Variants in SYTL2 observed in about 807,000 individuals in gnomAD.
SYTL2 encodes synaptotagmin like 2, also known as synaptotagmin-like protein 2.
SYTL2 carries 165 observed loss-of-function variants against 198.7 expected under a neutral mutation model. The ratio of observed to expected loss-of-function variants is 0.83; its 90% CI spans 0.73 to 0.94. The LOEUF (loss-of-function observed/expected upper bound fraction) is 0.94. Ranked by LOEUF, SYTL2 falls within the 40% of genes least tolerant of loss-of-function variation. The pLI is 0.00. For missense variants in SYTL2, 2,835 were observed against 2,582.8 expected, an observed-to-expected ratio of 1.10 and a Z score of -2.12; for synonymous variants, 966 against 917.7, an observed-to-expected ratio of 1.05 and a Z score of -0.95.
intron 6 of SYTL2, among the ~76,000 whole-genome samples, chr11:85,735,723 C>G (rs561113813): frequency 1.3e-5 from 2 of 151,994 alleles, no homozygotes; most frequent in African/African-American, 4.8e-5. Context: ...CACCACTGCA[C>G]TCCAGCCTGG....
At chr11:85,756,720 G>C (rs2091889303) in intron 2 of SYTL2, among the ~76,000 whole-genome samples, 1 of 152,192 alleles carries the variant, frequency 6.6e-6, no homozygotes, top group Admixed American at 6.5e-5. Context: ...CAGACATTCT[G>C]TAGTGGTTGA....
At position 85,727,462 on chromosome 11, in the gene SYTL2, T is replaced by G; in HGVS notation, c.1896A>C (p.Gln632His). ...GTPKEGPGIL[Q>H]PFESYGTPSQ... is the part of the protein sequence containing the mutation. ...TTGGGGTGCCATAGCTTTCAAATGG[T>G]TGCAATATACCTGGGCCTTCCTTTG... The change falls in exon 8 of 20, where the codon CAA becomes CAC. Residue 632 changes from glutamine (Q) to histidine (H), a missense_variant. Around this residue, in one of 3 missense-constraint regions of SYTL2, gnomAD observed 2,645 missense variants for 2,381.7 expected, o/e 1.11. Transcript: ENST00000359152. The G allele has an allele frequency of 6.5e-7, 1 of 1,536,044 alleles. No homozygotes were observed. Among genetic ancestry groups the G allele is most frequent in the Non-Finnish European group, 8.7e-7 (1 of 1,146,868 alleles).
intron 9 of SYTL2, among the ~76,000 whole-genome samples, chr11:85,719,808 G>C (rs1196173486): frequency 6.6e-6 from 1 of 152,134 alleles, no homozygotes; most frequent in South Asian, 2.1e-4. Flanking sequence ...GGAAATGTTT[G>C]GTGAAGTGGC....
intron 2 of SYTL2, among the ~76,000 whole-genome samples, chr11:85,749,970 C>T (rs941286214): frequency 4.6e-5 from 7 of 152,142 alleles, no homozygotes; most frequent in Non-Finnish European, 7.3e-5. Flanking sequence ...GGCTCCTGAC[C>T]ACCTAAAAAG....
chr11:85,703,557 G>A (rs767111611), intron 16 of SYTL2, among the ~76,000 whole-genome samples: 8 of 152,110 alleles, frequency 5.3e-5, no homozygotes, highest in Non-Finnish European at 1.0e-4. Flanking sequence ...AAGATGTTAT[G>A]ATACCAAGAA....
rs891202255 is a variant in SYTL2 at position 85,811,136 on chromosome 11, G to C, written c.-572C>G. 6.6e-6 allele frequency: 1 copy of C among 152,122 alleles called. No homozygotes were observed. Among genetic ancestry groups the C allele is most frequent in the Admixed American group, 6.5e-5 (1 of 15,280 alleles). The allele number at this position is 152,122 out of a possible 1,614,324, so 9.4% of individuals were successfully genotyped here. A position where few individuals can be genotyped will look rare whatever the true frequency, so the allele number is the denominator to read the frequency against. ...TGGCGGCACGGCCCGGGTGTCGCCC[G>C]GCACTGTCAACGCAGAGCGGCGTGC... is the stretch of plus-strand genomic sequence containing the variant. On this transcript the variant is annotated 5_prime_UTR_variant, in exon 1 of 20. Transcript: ENST00000359152.
At chr11:85,830,911 C>T in the SYTL2 span, among the ~76,000 whole-genome samples, 1 of 152,176 alleles carries the variant, frequency 6.6e-6, no homozygotes, top group Non-Finnish European at 1.5e-5. Flanking sequence ...CAAGTTCTTG[C>T]ATTAGGGTCA....
At chr11:85,812,393 G>A (rs1180254802), upstream of SYTL2, among the ~76,000 whole-genome samples, 2 of 152,234 alleles carry the variant, frequency 1.3e-5, no homozygotes, top group African/African-American at 4.8e-5. Context: ...GCACTGTGCA[G>A]AGATGTGTAT....
chr11:85,734,408 G>A lies in SYTL2; in HGVS notation c.921C>T (p.Ile307=). 1 of 1,614,174 alleles carries A rather than the reference G, an allele frequency of 6.2e-7. No homozygotes were observed. Among genetic ancestry groups the A allele is most frequent in the South Asian group, 1.1e-5 (1 of 91,076 alleles). Residue 307 remains isoleucine, a synonymous_variant, in exon 7 of 20, where the codon ATC becomes ATT. Transcript: ENST00000359152. ...KSKIVSPGLT[I]HERISEKEHS... ...GCTCCTTCTCAGAAATTCTCTCATG[G>A]ATGGTTAGGCCAGGTGACACAATTT... is the stretch of plus-strand genomic sequence containing the variant.
At chr11:85,758,645 A>G (rs2091986103) in intron 1 of SYTL2, among the ~76,000 whole-genome samples, 1 of 152,228 alleles carries the variant, frequency 6.6e-6, no homozygotes, top group East Asian at 1.9e-4. Context: ...CTGGACCTAG[A>G]GGAACCTAAC....
chr11:85,758,039 G>T lies in SYTL2; in HGVS notation c.-314C>A. On this transcript the variant is annotated 5_prime_UTR_variant, in exon 2 of 20. In the 5' UTR this introduces an upstream ATG that the reference lacks. Coordinates refer to ENST00000359152, the MANE Select transcript of SYTL2 (RefSeq NM_206927.4). Reference sequence around the variant, plus strand: ...TCCAGCACACTCACTCTCTGGTCCAGTCTTAGACACAGTTTATTCTCTCTC... The same window carrying T: ...TCCAGCACACTCACTCTCTGGTCCATTCTTAGACACAGTTTATTCTCTCTC... The T allele has an allele frequency of 3.4e-6, 1 of 290,142 alleles. No homozygotes were observed. Among genetic ancestry groups the T allele is most frequent in the East Asian group, 7.0e-5 (1 of 14,250 alleles). The allele number at this position is 290,142 out of a possible 1,614,324, so 18.0% of individuals were successfully genotyped here.
At chr11:85,705,642 T>C (rs978041538) in intron 15 of SYTL2, among the ~76,000 whole-genome samples, 3 of 152,334 alleles carry the variant, frequency 2.0e-5, no homozygotes, top group African/African-American at 4.8e-5. Flanking sequence ...ATCTCAAATG[T>C]AGTCAATCTT....
intron 14 of SYTL2, among the ~76,000 whole-genome samples, 181 bp from the exon 15 acceptor site, chr11:85,707,712 G>A (rs2085424419): frequency 2.0e-5 from 3 of 152,170 alleles, no homozygotes; most frequent in East Asian, 1.9e-4. Context: ...GGGTTTTAGT[G>A]GAATTGATCA....
intron 2 of SYTL2, among the ~76,000 whole-genome samples, chr11:85,754,549 A>G (rs533617395): frequency 2.0e-4 from 30 of 152,318 alleles, no homozygotes; most frequent in Admixed American, 1.1e-3. Context: ...TCATGAGGAA[A>G]CAGTGATGTT....
chr11:85,767,955 T>A (rs1591971902), intron 1 of SYTL2, among the ~76,000 whole-genome samples: 1 of 152,202 alleles, frequency 6.6e-6, no homozygotes, highest in Non-Finnish European at 1.5e-5. Flanking sequence ...CAAGGTCACG[T>A]GAGCTCAGCA....
At chr11:85,852,911 C>G in the SYTL2 span, 1 of 295,998 alleles carries the variant, frequency 3.4e-6, no homozygotes. Flanking sequence ...CCGGCCGCGA[C>G]CCCGTCTGGG....
Position 85,758,118 on chromosome 11 carries a change from G to A in SYTL2, c.-389-4C>T, listed in dbSNP as rs1375596892. The A allele has an allele frequency of 2.4e-5, 4 of 170,082 alleles. No homozygotes were observed. In the South Asian group the frequency reaches 4.8e-4, roughly 21 times the overall value. 10.5% of individuals were successfully genotyped at this position (170,082 alleles called of 1,614,324 possible). A position where few individuals can be genotyped will look rare whatever the true frequency, so the allele number is the denominator to read the frequency against. On this transcript the variant is annotated splice_region_variant and splice_polypyrimidine_tract_variant and intron_variant, in intron 1 of 19. Coordinates refer to ENST00000359152, the MANE Select transcript of SYTL2 (RefSeq NM_206927.4). Reference sequence around the variant, plus strand: ...GCAGCATCAGAGCATCACCTACCTGGGGAATCATGAGACAGCAAACACCAG... The same window carrying A: ...GCAGCATCAGAGCATCACCTACCTGAGGAATCATGAGACAGCAAACACCAG...
At chr11:85,832,415 A>C in the SYTL2 span, among the ~76,000 whole-genome samples, 1 of 152,200 alleles carries the variant, frequency 6.6e-6, no homozygotes, top group Non-Finnish European at 1.5e-5. Context: ...GTATTCATTC[A>C]ACAAATATGC....
intron 10 of SYTL2, 82 bp from the exon 11 acceptor site, chr11:85,717,612 G>T: frequency 8.6e-7 from 1 of 1,157,468 alleles, no homozygotes. Flanking sequence ...TCAAATGTCA[G>T]TTTCACAACT....
Sources: gnomAD v4.1 joint callset for allele counts (sites outside exome capture counted in the v4.1 genomes callset) on GRCh38, gnomAD v4.1.1 for gene constraint, gnomAD v4.1.1 regional missense constraint, MANE v1.5 for transcripts, NCBI Gene and HGNC (gene_info 2026-07-23, HGNC 2026-07-21) for gene names.